NEGR1: variants seen among roughly 807,000 people sequenced by gnomAD.
NEGR1 encodes the protein neuronal growth regulator 1.
NEGR1 carries 10 observed loss-of-function variants against 40.9 expected under a neutral mutation model. That is an observed-to-expected ratio of 0.24 (90% CI 0.15 to 0.42). The LOEUF is 0.42. NEGR1 is among the 10% of genes least tolerant of loss of function. The pLI is 1.00. For missense variants in NEGR1, 352 were observed against 438.9 expected (o/e 0.80, Z 1.77); for synonymous variants, 185 against 166.8 (o/e 1.11, Z -0.84).
At chr1:72,002,182 T>C (rs1373813023) in intron 1 of NEGR1, among the ~76,000 whole-genome samples, 9 of 152,108 alleles carry the variant, frequency 5.9e-5, no homozygotes, top group African/African-American at 2.2e-4. Context: ...TAAACTCATT[T>C]CCTTCCTGCC....
intron 2 of NEGR1, among the ~76,000 whole-genome samples, chr1:71,929,654 A>G (rs1320583305): frequency 6.6e-6 from 1 of 150,944 alleles, no homozygotes; most frequent in East Asian, 1.9e-4. Context: ...GAAAATTTTG[A>G]AATTTTCACT....
intron 4 of NEGR1, among the ~76,000 whole-genome samples, chr1:71,682,489 A>C (rs935474952): frequency 6.6e-6 from 1 of 152,228 alleles, no homozygotes; most frequent in South Asian, 2.1e-4. Context: ...ATTCATATAC[A>C]GAGTTATTTT....
chr1:71,425,845 TG>T (rs1008457221), intron 6 of NEGR1, among the ~76,000 whole-genome samples: 2 of 152,196 alleles, frequency 1.3e-5, no homozygotes, highest in African/African-American at 2.4e-5. Flanking sequence ...TCAAGCTTAA[TG>T]CTCACAATCC....
intron 6 of NEGR1, among the ~76,000 whole-genome samples, chr1:71,465,396 CA>C: frequency 6.6e-6 from 1 of 152,184 alleles, no homozygotes; most frequent in South Asian, 2.1e-4. Flanking sequence ...TTGCAATCTG[CA>C]GACAACTTGT....
intron 6 of NEGR1, among the ~76,000 whole-genome samples, chr1:71,447,866 A>T (rs1375901701): frequency 2.6e-5 from 4 of 152,224 alleles, no homozygotes; most frequent in African/African-American, 9.6e-5. Flanking sequence ...CTTTCTTTTC[A>T]AAGTAGTTTA....
In NEGR1 at chr1:71,405,493, C is replaced by T. The variant is rs1646272993; in HGVS notation, c.*1953G>A. 1 of 151,928 alleles carries T rather than the reference C, an allele frequency of 6.6e-6. No homozygotes were observed. The highest frequency in any genetic ancestry group is 2.4e-5 in the African/African-American group (1 of 41,336). The allele number at this position is 151,928 out of a possible 1,614,324, so 9.4% of individuals were successfully genotyped here. ...GCAAATAAATAATAAAGTTAAATGC[C>T]ATATTTGTTCTAAAAACTCTTTTTT... On this transcript the variant is annotated 3_prime_UTR_variant, in exon 7 of 7. Coordinates refer to ENST00000357731, the MANE Select transcript of NEGR1 (RefSeq NM_173808.3).
intron 3 of NEGR1, among the ~76,000 whole-genome samples, chr1:71,771,284 ACTGGGGCCTGT>A (rs1656311176): frequency 6.6e-6 from 1 of 152,064 alleles, no homozygotes; most frequent in South Asian, 2.1e-4. Flanking sequence ...AGCATCACAC[ACTGGGGCCTGT>A]CAGGGGGTTC....
intron 1 of NEGR1, among the ~76,000 whole-genome samples, chr1:72,027,706 T>C (rs1017055556): frequency 3.3e-5 from 5 of 152,220 alleles, no homozygotes; most frequent in Non-Finnish European, 5.9e-5. Flanking sequence ...GCCACAAATA[T>C]GCTGAGAACT....
chr1:72,274,816 G>A, intron 1 of NEGR1: 1 of 1,500,786 alleles, frequency 6.7e-7, no homozygotes, highest in Non-Finnish European at 9.3e-7. Flanking sequence ...AGTGGGCCAG[G>A]TGATCAGAGT....
chr1:72,248,984 A>T (rs905076830), intron 1 of NEGR1, among the ~76,000 whole-genome samples: 6 of 152,210 alleles, frequency 3.9e-5, no homozygotes, highest in African/African-American at 1.4e-4. Context: ...TCATTTTTAC[A>T]TCTTCAAATT....
intron 1 of NEGR1, among the ~76,000 whole-genome samples, chr1:71,962,085 GA>G (rs1442880600): frequency 1.3e-5 from 2 of 151,662 alleles, no homozygotes; most frequent in Non-Finnish European, 2.9e-5. Flanking sequence ...ATGCTTTCAT[GA>G]AAAAAAATCC....
chr1:71,937,665 C>A (rs1183728227), intron 1 of NEGR1, among the ~76,000 whole-genome samples: 3 of 152,144 alleles, frequency 2.0e-5, no homozygotes, highest in Non-Finnish European at 4.4e-5. Context: ...TAATGCAGAT[C>A]AAAGACTTTT....
intron 1 of NEGR1, among the ~76,000 whole-genome samples, chr1:72,098,845 C>A (rs1648818280): frequency 6.6e-6 from 1 of 152,006 alleles, no homozygotes. Flanking sequence ...AAGTTTACAT[C>A]TGTGTTAAAC....
chr1:72,047,614 G>T (rs1039414543), intron 1 of NEGR1, among the ~76,000 whole-genome samples: 3 of 150,912 alleles, frequency 2.0e-5, no homozygotes, highest in Non-Finnish European at 3.0e-5. Flanking sequence ...AGATTTCAGA[G>T]TTTTTTTTGA....
intron 1 of NEGR1, among the ~76,000 whole-genome samples, chr1:72,022,199 T>C (rs1159646223): frequency 6.8e-6 from 1 of 146,810 alleles, no homozygotes; most frequent in Non-Finnish European, 1.5e-5. Flanking sequence ...TTTGGGGGAA[T>C]TGTAAGTTGG....
In NEGR1 at chr1:71,617,518, G is replaced by A. The variant is rs1037804878; in HGVS notation, c.668-6372C>T. On this transcript the variant is annotated intron_variant, in intron 4 of 6. Transcript: ENST00000357731. ...CAGGACTATTCAAGCCTCTGAATTC[G>A]GGAAAACTGAATTGGTTATTTTGTG... Among the ~76,000 whole-genome samples, 6 of 152,172 alleles carry A rather than the reference G, an allele frequency of 3.9e-5. No homozygotes were observed. In the East Asian group the frequency reaches 5.8e-4, roughly 15 times the overall value.
chr1:71,579,146 C>T (rs1396024690), intron 6 of NEGR1, among the ~76,000 whole-genome samples: 1 of 152,110 alleles, frequency 6.6e-6, no homozygotes, highest in Non-Finnish European at 1.5e-5. Context: ...CCTTGCAAGT[C>T]CACTTTAGAA....
At chr1:71,772,174 G>A (rs1463531228) in intron 3 of NEGR1, among the ~76,000 whole-genome samples, 1 of 151,990 alleles carries the variant, frequency 6.6e-6, no homozygotes, top group South Asian at 2.1e-4. Context: ...GAGAAAATAT[G>A]AGACAACCCA....
At chr1:71,609,822 A>G (rs1650195504) in intron 5 of NEGR1, among the ~76,000 whole-genome samples, 1 of 152,174 alleles carries the variant, frequency 6.6e-6, no homozygotes, top group Non-Finnish European at 1.5e-5. Context: ...CTCATCCTGA[A>G]TTTAATTTGA....
Sources: gnomAD v4.1 joint callset for allele counts (sites outside exome capture counted in the v4.1 genomes callset) on GRCh38, gnomAD v4.1.1 for gene constraint, MANE v1.5 for transcripts, NCBI Gene and HGNC (gene_info 2026-07-23, HGNC 2026-07-21) for gene names.